Variants in WDR76 observed in about 807,000 individuals in gnomAD.
The protein encoded by WDR76 is WD repeat domain 76.
A neutral mutation model predicts 70.2 loss-of-function variants in WDR76; 52 were observed. The observed-to-expected ratio is 0.74, with a 90% CI of 0.59 to 0.93. The LOEUF (loss-of-function observed/expected upper bound fraction) is 0.93. Ranked by LOEUF, WDR76 falls within the 40% of genes least tolerant of loss-of-function variation. The pLI is 0.00. For synonymous variants in WDR76, 292 were observed against 271.1 expected (o/e 1.08, Z -0.76); for missense variants, 756 against 760.2 (o/e 0.99, Z 0.07).
rs536513070 is a variant in WDR76 at position 43,867,461 on chromosome 15, C to T, written c.*1069C>T. ...TGAAAAGGAAAGAATTTGTAAAGAA[C>T]AGAAAATATATTTGAGTAAGTATTG... On this transcript the variant is annotated 3_prime_UTR_variant, in exon 13 of 13. Coordinates refer to ENST00000263795, the MANE Select transcript of WDR76 (RefSeq NM_024908.4). The T allele has an allele frequency of 3.3e-5, 5 of 151,880 alleles. No homozygotes were observed. Among genetic ancestry groups the T allele is most frequent in the African/African-American group, 9.7e-5 (4 of 41,360 alleles). 9.4% of individuals were successfully genotyped at this position (151,880 alleles called of 1,614,324 possible). A position where few individuals can be genotyped will look rare whatever the true frequency, so the allele number is the denominator to read the frequency against.
intron 12 of WDR76, among the ~76,000 whole-genome samples, chr15:43,862,272 GTTTC>G (rs1179641902): frequency 1.4e-4 from 5 of 35,604 alleles, no homozygotes; most frequent in Non-Finnish European, 3.2e-4. Context: ...CATTTTATCA[GTTTC>G]TTTTTTTTTT....
At chr15:43,841,691 A>G (rs2087727603) in intron 5 of WDR76, among the ~76,000 whole-genome samples, 1 of 152,110 alleles carries the variant, frequency 6.6e-6, no homozygotes, top group Non-Finnish European at 1.5e-5. Context: ...GTTGTGACAT[A>G]CTAACATGAT....
At chr15:43,833,743 T>C (rs2087620986) in intron 2 of WDR76, among the ~76,000 whole-genome samples, 1 of 152,058 alleles carries the variant, frequency 6.6e-6, no homozygotes, top group South Asian at 2.1e-4. Context: ...TTCAAGCAAT[T>C]CTTCTGTCTC....
chr15:43,864,744 C>T (rs28858500), intron 12 of WDR76, among the ~76,000 whole-genome samples: 25,161 of 150,878 alleles, frequency 0.17, 2,897 homozygotes, highest in African/African-American at 0.32. Context: ...CAGGCATGAG[C>T]CACAATGCCT....
At chr15:43,830,503 G>A (rs921759285) in intron 2 of WDR76, among the ~76,000 whole-genome samples, 2 of 151,054 alleles carry the variant, frequency 1.3e-5, no homozygotes, top group Admixed American at 1.3e-4. Context: ...TGGAGGTTGC[G>A]GTGAGCCGAG....
intron 2 of WDR76, among the ~76,000 whole-genome samples, chr15:43,829,653 C>A (rs2087562594): frequency 6.6e-6 from 1 of 151,752 alleles, no homozygotes; most frequent in South Asian, 2.1e-4. Flanking sequence ...ATTACAGGCG[C>A]CCGCCACCAT....
At chr15:43,833,324 T>C (rs904165149) in intron 2 of WDR76, among the ~76,000 whole-genome samples, 14 of 148,680 alleles carry the variant, frequency 9.4e-5, no homozygotes, top group Admixed American at 2.7e-4. Flanking sequence ...TCTTTTCTTT[T>C]TTTTTTTTTT....
Position 43,868,302 on chromosome 15 carries a change from T to G in WDR76, c.*1910T>G, listed in dbSNP as rs1290069641. On this transcript the variant is annotated 3_prime_UTR_variant, in exon 13 of 13. Transcript: ENST00000263795. Reference sequence around the variant, plus strand: ...AGTTCTACGGGAATTGTTTTTGTTTTTGTTTTTAAAGATGCTGAAAACTAC... The same window carrying G: ...AGTTCTACGGGAATTGTTTTTGTTTGTGTTTTTAAAGATGCTGAAAACTAC... The G allele has an allele frequency of 6.6e-6, 1 of 152,208 alleles. No individual in the cohort carries two copies. Among genetic ancestry groups the G allele is most frequent in the African/African-American group, 2.4e-5 (1 of 41,462 alleles). 9.4% of individuals were successfully genotyped at this position (152,208 alleles called of 1,614,324 possible).
intron 8 of WDR76, 42 bp from the exon 9 acceptor site, chr15:43,851,045 C>G: frequency 6.2e-7 from 1 of 1,603,182 alleles, no homozygotes; most frequent in Non-Finnish European, 8.5e-7. Context: ...CTATTTTTCA[C>G]TAGTTTTTTT....
chr15:43,850,541 C>T (rs187230833), intron 8 of WDR76, among the ~76,000 whole-genome samples: 34 of 152,084 alleles, frequency 2.2e-4, no homozygotes, highest in Non-Finnish European at 4.6e-4. Flanking sequence ...GTGATCCGCC[C>T]GCCTTGGCCT....
At chr15:43,828,516 T>A in intron 2 of WDR76, 150 bp downstream of exon 2, 1 of 751,986 alleles carries the variant, frequency 1.3e-6, no homozygotes, top group South Asian at 2.6e-5. Flanking sequence ...TTTTATTATT[T>A]TTAAGGTTTA....
intron 9 of WDR76, among the ~76,000 whole-genome samples, chr15:43,852,695 A>G (rs927848095): frequency 3.3e-5 from 5 of 152,138 alleles, no homozygotes; most frequent in Non-Finnish European, 4.4e-5. Flanking sequence ...GACATTTCAT[A>G]TAAATGAAAT....
Position 43,867,453 on chromosome 15 carries a change from G to C in WDR76, c.*1061G>C, listed in dbSNP as rs987687540. On this transcript the variant is annotated 3_prime_UTR_variant, in exon 13 of 13. Coordinates refer to ENST00000263795, the MANE Select transcript of WDR76 (RefSeq NM_024908.4). ...GAAAAAAATGAAAAGGAAAGAATTT[G>C]TAAAGAACAGAAAATATATTTGAGT... The C allele has an allele frequency of 6.6e-6, 1 of 152,028 alleles. No homozygotes were observed. Among genetic ancestry groups the C allele is most frequent in the Non-Finnish European group, 1.5e-5 (1 of 68,022 alleles). The allele number at this position is 152,028 out of a possible 1,614,324, so 9.4% of individuals were successfully genotyped here.
intron 12 of WDR76, among the ~76,000 whole-genome samples, chr15:43,865,102 AT>A (rs968327964): frequency 2.1e-4 from 28 of 136,420 alleles, no homozygotes; most frequent in East Asian, 2.1e-4. Flanking sequence ...TTGTATTTTT[AT>A]TTTTTTTTTT....
intron 4 of WDR76, 45 bp downstream of exon 4, chr15:43,836,261 A>C: frequency 6.4e-7 from 1 of 1,570,040 alleles, no homozygotes; most frequent in Non-Finnish European, 8.7e-7. Flanking sequence ...TACATTGCTC[A>C]ACTGTTTTAT....
intron 9 of WDR76, among the ~76,000 whole-genome samples, chr15:43,853,774 C>T (rs965310591): frequency 6.6e-6 from 1 of 151,822 alleles, no homozygotes; most frequent in African/African-American, 2.4e-5. Flanking sequence ...GGCGCGGTGG[C>T]AGGCACCTGT....
chr15:43,844,613 CA>C (rs35536883), intron 8 of WDR76, among the ~76,000 whole-genome samples: 9,244 of 91,346 alleles, frequency 0.1, 414 homozygotes, highest in Non-Finnish European at 0.13. Flanking sequence ...GACTCCGTCT[CA>C]AAAAAAAAAA....
At chr15:43,845,689 T>C (rs1333420924) in intron 8 of WDR76, among the ~76,000 whole-genome samples, 1 of 150,616 alleles carries the variant, frequency 6.6e-6, no homozygotes. Context: ...ATTTTAGTTA[T>C]CTTTGATGAG....
chr15:43,845,999 G>A lies in WDR76; in HGVS notation c.1032+1945G>A, dbSNP rs572182085. 1.0e-3 allele frequency among the ~76,000 whole-genome samples: 150 copies of A among 150,188 alleles called. 9 individuals carry two copies. In the South Asian group the frequency reaches 0.014, roughly 14 times the overall value. On this transcript the variant is annotated intron_variant, in intron 8 of 12. Coordinates refer to ENST00000263795, the MANE Select transcript of WDR76 (RefSeq NM_024908.4). Reference sequence around the variant, plus strand: ...TGATAAGATGTGAGTGGGGATAGGAGGTGATAGGATTTAGCAAAGAAAACT... The same window carrying A: ...TGATAAGATGTGAGTGGGGATAGGAAGTGATAGGATTTAGCAAAGAAAACT...
Sources: allele counts gnomAD v4.1 joint callset (sites outside exome capture counted in the v4.1 genomes callset), GRCh38; gene constraint gnomAD v4.1.1; transcripts MANE v1.5; gene names NCBI Gene and HGNC (gene_info 2026-07-23, HGNC 2026-07-21).